Variants in MINDY4B observed in about 807,000 individuals in gnomAD.
MINDY4B encodes MINDY family member 4B.
Under a neutral mutation model 16.7 loss-of-function variants are expected in MINDY4B, and 25 were observed. That is an observed-to-expected ratio of 1.49 (90% confidence interval 1.09 to 2.09). The LOEUF is 2.09. MINDY4B is among the 30% of genes most tolerant of loss of function. The pLI is 0.00. For missense variants in MINDY4B, 327 were observed against 168.4 expected, an observed-to-expected ratio of 1.94 and a Z score of -5.21; for synonymous variants, 132 against 61.9, an observed-to-expected ratio of 2.13 and a Z score of -5.32.
At chr3:150,904,658 T>C (rs983637350) in intron 2 of MINDY4B, among the ~76,000 whole-genome samples, 1 of 152,214 alleles carries the variant, frequency 6.6e-6, no homozygotes, top group Non-Finnish European at 1.5e-5. Flanking sequence ...CTTTCTCTTA[T>C]TTTAAAATGG....
At chr3:150,872,047 G>A (rs1282123706) in intron 11 of MINDY4B, among the ~76,000 whole-genome samples, 24 of 152,228 alleles carry the variant, frequency 1.6e-4, no homozygotes, top group Non-Finnish European at 5.9e-5. Flanking sequence ...CTACTTGTTG[G>A]ACACCATAGT....
chr3:150,892,597 G>T (rs912734713), intron 5 of MINDY4B, among the ~76,000 whole-genome samples: 5 of 152,090 alleles, frequency 3.3e-5, no homozygotes. Flanking sequence ...ATAAACTTGA[G>T]CTGATCTTTA....
intron 8 of MINDY4B, 46 bp downstream of exon 8, chr3:150,885,322 T>C (rs1193967352): frequency 1.4e-6 from 1 of 700,212 alleles, no homozygotes; most frequent in Admixed American, 2.0e-5. Context: ...GTTTATGTGA[T>C]CCCAATCCTA....
At chr3:150,877,783 G>A (rs1344714081) in intron 10 of MINDY4B, among the ~76,000 whole-genome samples, 7 of 152,090 alleles carry the variant, frequency 4.6e-5, no homozygotes, top group Non-Finnish European at 8.8e-5. Context: ...TTACCAACAC[G>A]AGTATACCTA....
chr3:150,876,871 C>T (rs1711497491), intron 10 of MINDY4B, among the ~76,000 whole-genome samples: 5 of 152,098 alleles, frequency 3.3e-5, no homozygotes, highest in Admixed American at 3.3e-4. Flanking sequence ...ACTCAAACTG[C>T]TTTATGTTCT....
chr3:150,905,332 A>C lies in MINDY4B; in HGVS notation c.108T>G (p.Tyr36Ter). The C allele has an allele frequency of 2.5e-6, 1 of 398,572 alleles. No individual in the cohort carries two copies. Among genetic ancestry groups the C allele is most frequent in the African/African-American group, 2.1e-5 (1 of 48,766 alleles). The allele number at this position is 398,572 out of a possible 1,614,324, so 24.7% of individuals were successfully genotyped here. The change falls in exon 1 of 12, where the codon TAT (tyrosine) becomes TAG (stop). Residue 36 changes from tyrosine (Y) to a stop codon, truncating the protein, a stop_gained. Coordinates refer to ENST00000465419, the MANE Select transcript of MINDY4B (RefSeq NM_001351281.2). LOFTEE classifies it high-confidence loss of function. Reference sequence around the variant, plus strand: ...AGAGAATGAGAACACCTTACCTGTGATAACTAAAGATTTCCCTCCATTTGT... The same window carrying C: ...AGAGAATGAGAACACCTTACCTGTGCTAACTAAAGATTTCCCTCCATTTGT... The part of the protein sequence containing the change: ...FLDKWREIFS[Y>*]HRLGTNNSTP...
intron 2 of MINDY4B, 69 bp downstream of exon 2, chr3:150,904,993 A>T (rs1391456893): frequency 5.0e-6 from 2 of 398,314 alleles, no homozygotes; most frequent in African/African-American, 4.1e-5. Context: ...AATGCAGATT[A>T]TGCTGTTAAT....
intron 3 of MINDY4B, among the ~76,000 whole-genome samples, chr3:150,895,430 T>C (rs115026188): frequency 2.8e-3 from 423 of 152,282 alleles, no homozygotes; most frequent in African/African-American, 9.7e-3. Flanking sequence ...TTTTCCTTCA[T>C]AGGTTACTTG....
chr3:150,872,381 T>C (rs1444200), intron 11 of MINDY4B, among the ~76,000 whole-genome samples: 75,733 of 152,096 alleles, frequency 0.5, 20,223 homozygotes, highest in African/African-American at 0.69. Context: ...GATTACTTAA[T>C]GCCAGGCTTG....
At chr3:150,883,524 G>C (rs902080089) in intron 9 of MINDY4B, among the ~76,000 whole-genome samples, 176 bp downstream of exon 9, 4 of 152,138 alleles carry the variant, frequency 2.6e-5, no homozygotes, top group African/African-American at 4.8e-5. Flanking sequence ...ACCCAGGGTA[G>C]TGTCTTCATA....
At chr3:150,881,935 G>A (rs150870844) in intron 10 of MINDY4B, among the ~76,000 whole-genome samples, 1 of 152,300 alleles carries the variant, frequency 6.6e-6, no homozygotes, top group African/African-American at 2.4e-5. Context: ...ATAGTAGAGG[G>A]ACAGATGAAG....
chr3:150,890,427 A>T (rs1711768914), intron 6 of MINDY4B, 42 bp from the exon 7 acceptor site: 1 of 581,936 alleles, frequency 1.7e-6, no homozygotes, highest in Non-Finnish European at 3.0e-6. Context: ...AAGGAAGATG[A>T]AAGTTACATC....
At chr3:150,871,912 G>A (rs1005625339) in intron 11 of MINDY4B, among the ~76,000 whole-genome samples, 1 of 152,126 alleles carries the variant, frequency 6.6e-6, no homozygotes. Flanking sequence ...TTGGATGGAG[G>A]GCAAGGCTTT....
chr3:150,888,219 A>G (rs1286220807), intron 7 of MINDY4B, among the ~76,000 whole-genome samples: 1 of 151,636 alleles, frequency 6.6e-6, no homozygotes, highest in Non-Finnish European at 1.5e-5. Context: ...GAGAAGCATC[A>G]CTCTGGTCCC....
chr3:150,895,971 T>TCTGATTATTCTTAGAATAATAGAAGAATG (rs1441273591), intron 3 of MINDY4B, among the ~76,000 whole-genome samples: 42 of 152,192 alleles, frequency 2.8e-4, no homozygotes, highest in East Asian at 3.8e-4. Context: ...TCCTCTTCTT[T>TCTGATTATTCTTAGAATAATAGAAGAATG]CTGATTATTC....
intron 10 of MINDY4B, among the ~76,000 whole-genome samples, chr3:150,878,749 C>T (rs1711500768): frequency 6.6e-6 from 1 of 152,218 alleles, no homozygotes; most frequent in Non-Finnish European, 1.5e-5. Flanking sequence ...TTGCCCTCTT[C>T]CCAGCAGGAA....
chr3:150,896,188 T>A (rs188027659), intron 3 of MINDY4B, among the ~76,000 whole-genome samples: 1 of 152,336 alleles, frequency 6.6e-6, no homozygotes, highest in African/African-American at 2.4e-5. Flanking sequence ...GCATTTTGCA[T>A]TTCTAGAAGT....
chr3:150,874,419 A>G (rs1163171329), intron 10 of MINDY4B, among the ~76,000 whole-genome samples: 1 of 152,240 alleles, frequency 6.6e-6, no homozygotes, highest in East Asian at 1.9e-4. Context: ...GTGCGTTTCT[A>G]TCAGTGATAG....
Position 150,871,153 on chromosome 3 carries a change from C to T in MINDY4B, c.1275G>A (p.Gln425=), listed in dbSNP as rs1403125509. The change falls in exon 12 of 12, where the codon CAG becomes CAA. Residue 425 remains glutamine, a synonymous_variant. Transcript: ENST00000465419. ...THSHHWERDQ[Q]EEKHGPRRRF... ...GTCGTCTTGGTCCATGTTTCTCTTC[C>T]TGTTGGTCTCTTTCCCAGTGATGGG... The T allele has an allele frequency of 2.4e-5, 17 of 702,676 alleles. No individual in the cohort carries two copies. The highest frequency in any genetic ancestry group is 2.4e-4 in the South Asian group (16 of 67,598). The allele number at this position is 702,676 out of a possible 1,614,324, so 43.5% of individuals were successfully genotyped here. A position where few individuals can be genotyped will look rare whatever the true frequency, so the allele number is the denominator to read the frequency against.
Sources: allele counts gnomAD v4.1 joint callset (sites outside exome capture counted in the v4.1 genomes callset), GRCh38; gene constraint gnomAD v4.1.1; transcripts MANE v1.5; gene names NCBI Gene and HGNC (gene_info 2026-07-23, HGNC 2026-07-21).